The following SYNE2 variants were observed in gnomAD, a reference collection of about 807,000 sequenced individuals.
SYNE2 encodes the protein spectrin repeat containing nuclear envelope protein 2.
Under a neutral mutation model 856.3 loss-of-function variants are expected in SYNE2, and 431 were observed. That is an observed-to-expected ratio of 0.50 (90% CI 0.47 to 0.55). SYNE2 has a LOEUF of 0.55. Among genes scored for constraint, SYNE2 ranks in the 20% least tolerant of loss-of-function variants. The pLI is 0.00. For synonymous variants in SYNE2, 2,923 were observed against 2,872.3 expected (o/e 1.02, Z -0.56); for missense variants, 8,129 against 8,023.2 (o/e 1.01, Z -0.50).
At chr14:64,141,237 C>A (rs113259397) in intron 80 of SYNE2, 104 bp from the exon 81 acceptor site, 4 of 881,620 alleles carry the variant, frequency 4.5e-6, no homozygotes, top group Admixed American at 2.3e-5. Flanking sequence ...TATACACATT[C>A]GTATATTTAC....
At chr14:63,878,634 C>G (rs945799124) in intron 1 of SYNE2, among the ~76,000 whole-genome samples, 1 of 152,060 alleles carries the variant, frequency 6.6e-6, no homozygotes, top group African/African-American at 2.4e-5. Context: ...CTTTCACCTC[C>G]CAGGTTGAAG....
At chr14:64,096,579 C>T (rs756426866) in intron 61 of SYNE2, among the ~76,000 whole-genome samples, 2 of 152,140 alleles carry the variant, frequency 1.3e-5, no homozygotes, top group Non-Finnish European at 2.9e-5. Flanking sequence ...AAGTGGAACA[C>T]AAAATGCAGC....
At chr14:63,976,840 G>T in intron 12 of SYNE2, 113 bp downstream of exon 12, 2 of 1,192,654 alleles carry the variant, frequency 1.7e-6, no homozygotes, top group Non-Finnish European at 2.4e-6. Context: ...ATTTGAGGAT[G>T]GTTTAGAATG....
chr14:63,936,365 T>G (rs927190765), intron 2 of SYNE2, among the ~76,000 whole-genome samples: 5 of 152,004 alleles, frequency 3.3e-5, no homozygotes, highest in Non-Finnish European at 7.4e-5. Context: ...TTAAAAGAGA[T>G]AAGTACCCTA....
At chr14:64,086,796 G>A (rs1182058906) in intron 57 of SYNE2, among the ~76,000 whole-genome samples, 1 of 133,776 alleles carries the variant, frequency 7.5e-6, no homozygotes, top group Non-Finnish European at 1.5e-5. Flanking sequence ...TGCAGCCTCC[G>A]CCTCCTGGGT....
intron 23 of SYNE2, among the ~76,000 whole-genome samples, chr14:63,996,456 C>T (rs934640925): frequency 2.0e-5 from 3 of 152,136 alleles, no homozygotes; most frequent in Admixed American, 6.5e-5. Flanking sequence ...TCCTTCACTG[C>T]CTGGTCCAGG....
chr14:63,788,517 A>T (rs958629856), intron 1 of SYNE2, among the ~76,000 whole-genome samples: 37 of 151,982 alleles, frequency 2.4e-4, no homozygotes, highest in African/African-American at 8.7e-4. Context: ...TGCAGCCACA[A>T]CTTGGGTGGC....
chr14:64,197,479 G>T (rs373216012), intron 99 of SYNE2, among the ~76,000 whole-genome samples: 10 of 152,312 alleles, frequency 6.6e-5, no homozygotes, highest in African/African-American at 2.4e-4. Context: ...GTTTAGTCAT[G>T]TGAAAAGATA....
intron 29 of SYNE2, 49 bp from the exon 30 acceptor site, chr14:64,002,671 C>T (rs547777274): frequency 1.9e-5 from 30 of 1,600,146 alleles, no homozygotes; most frequent in Non-Finnish European, 2.6e-5. Context: ...CACATGTAGC[C>T]TTTCTTTTTT....
chr14:64,188,519 A>G (rs1177575702), intron 97 of SYNE2, 31 bp from the exon 98 acceptor site: 1 of 1,613,896 alleles, frequency 6.2e-7, no homozygotes, highest in Non-Finnish European at 8.5e-7. Flanking sequence ...TCCTGGCTAT[A>G]CTCAGCTGCC....
intron 1 of SYNE2, among the ~76,000 whole-genome samples, chr14:63,803,185 GA>G (rs1438281101): frequency 9.2e-5 from 14 of 152,222 alleles, no homozygotes; most frequent in Admixed American, 9.2e-4. Flanking sequence ...CCAGACTCAG[GA>G]CCCCAGCTGG....
At position 64,140,505 on chromosome 14, in the gene SYNE2, C is replaced by T. The variant is rs569529857; in HGVS notation, c.14976+432C>T. On this transcript the variant is annotated intron_variant, in intron 80 of 115. Coordinates refer to ENST00000555002, the MANE Select transcript of SYNE2 (RefSeq NM_182914.3). ...GCTGAGGCAGGAGAATCACTTGAAC[C>T]GCGGTGGGTGGAGGTTGCAATGAGC... 3.3e-5 allele frequency among the ~76,000 whole-genome samples: 5 copies of T among 152,284 alleles called. No homozygotes were observed. The East Asian group carries it at 7.7e-4, about 24-fold the overall frequency.
rs1211483595 is a variant in SYNE2, at chr14:63,941,308, G to C, written c.142-387G>C. The stretch of plus-strand genomic sequence containing the variant: ...CAGACCACACACTGTTTTTTTCTCT[G>C]TCCATTTCAACACGATGCTTGTAAT... On this transcript the variant is annotated intron_variant, in intron 3 of 115. Coordinates refer to ENST00000555002, the MANE Select transcript of SYNE2 (RefSeq NM_182914.3). Among the ~76,000 whole-genome samples the C allele has an allele frequency of 3.3e-5, 5 of 152,228 alleles. No homozygotes were observed. The East Asian group carries it at 9.7e-4, about 29-fold the overall frequency.
rs5809212 is a variant in SYNE2, at chr14:64,077,385, ATT to A, written c.11023-1070_11023-1069del. On this transcript the variant is annotated intron_variant, in intron 54 of 115. Transcript: ENST00000555002. ...AAAGCTAATATGGAACCAAAGTGGG[ATT>A]TTTTTTTTTTCTAATAATATTGACT... 2.1e-3 allele frequency among the ~76,000 whole-genome samples: 316 copies of A among 150,302 alleles called. 1 individual carries two copies. The highest frequency in any genetic ancestry group is 7.1e-3 in the African/African-American group (293 of 41,022).
chr14:64,207,696 CTT>C (rs138810964), intron 100 of SYNE2, among the ~76,000 whole-genome samples: 5,377 of 152,178 alleles, frequency 0.035, 282 homozygotes, highest in African/African-American at 0.11. Context: ...GTACAGTCCT[CTT>C]ATTAACTGAA....
intron 1 of SYNE2, among the ~76,000 whole-genome samples, chr14:63,905,698 C>T (rs77718905): frequency 6.6e-6 from 1 of 152,188 alleles, no homozygotes; most frequent in Admixed American, 6.5e-5. Flanking sequence ...AGCCTTTTGG[C>T]AGAGTCTTTA....
intron 2 of SYNE2, among the ~76,000 whole-genome samples, chr14:63,912,451 C>T (rs754066647): frequency 3.3e-5 from 5 of 152,126 alleles, no homozygotes; most frequent in Non-Finnish European, 5.9e-5. Context: ...AGCAAGCAGA[C>T]TCGTATTTCA....
At chr14:63,764,256 C>G (rs767201325) in intron 1 of SYNE2, among the ~76,000 whole-genome samples, 3 of 152,120 alleles carry the variant, frequency 2.0e-5, no homozygotes, top group Non-Finnish European at 4.4e-5. Context: ...TGCAAAGAGC[C>G]CCACTGTTTG....
intron 2 of SYNE2, among the ~76,000 whole-genome samples, chr14:63,909,598 A>T (rs1011809520): frequency 3.9e-5 from 6 of 151,930 alleles, no homozygotes; most frequent in Non-Finnish European, 8.8e-5. Flanking sequence ...TCCCAGCACT[A>T]TGGGAGGCCG....
Sources: gnomAD v4.1 joint callset for allele counts (sites outside exome capture counted in the v4.1 genomes callset) on GRCh38, gnomAD v4.1.1 for gene constraint, MANE v1.5 for transcripts, NCBI Gene and HGNC (gene_info 2026-07-23, HGNC 2026-07-21) for gene names.